CMTM4: variants seen among roughly 807,000 people sequenced by gnomAD.
CMTM4 encodes CKLF like MARVEL transmembrane domain containing 4.
In CMTM4, 8 loss-of-function variants were observed where a neutral mutation model predicts 19.0. The observed-to-expected ratio is 0.42, with a 90% CI of 0.25 to 0.76. The LOEUF is 0.76. Among genes scored for constraint, CMTM4 ranks in the 30% least tolerant of loss-of-function variants. The pLI is 0.27. For missense variants in CMTM4, 228 were observed against 290.2 expected (o/e 0.79, Z 1.56); for synonymous variants, 106 against 121.1 (o/e 0.88, Z 0.82).
At chr16:66,599,487 GT>G in the CMTM4 span, among the ~76,000 whole-genome samples, 2 of 137,952 alleles carry the variant, frequency 1.4e-5, no homozygotes, top group African/African-American at 5.3e-5. Flanking sequence ...TTTGCTTGTT[GT>G]TTGTTTGTTT....
rs552358890 is a variant in CMTM4 at position 66,622,251 on chromosome 16, C to G, written c.463-29G>C. ...AAAACACACCAGCACAGTTAGTCCT[C>G]GGGCACGTGGCCTGGCCCCTCAAGG... is the stretch of plus-strand genomic sequence containing the variant. On this transcript the variant is annotated intron_variant, in intron 3 of 3. Coordinates refer to ENST00000394106, the MANE Select transcript of CMTM4 (RefSeq NM_181521.3). The surrounding 1 kb of genome is among the most constrained non-coding windows in gnomAD (Gnocchi z 4.0). 9 of 1,608,854 alleles carry G rather than the reference C, an allele frequency of 5.6e-6. No homozygotes were observed. The highest frequency in any genetic ancestry group is 7.6e-6 in the Non-Finnish European group (9 of 1,177,652).
chr16:66,683,185 A>ACGTG (rs1210050561), intron 1 of CMTM4, among the ~76,000 whole-genome samples: 8 of 86,986 alleles, frequency 9.2e-5, no homozygotes, highest in South Asian at 5.9e-4. Flanking sequence ...ACATATGTAT[A>ACGTG]TATATATACA....
chr16:66,637,436 CA>C (rs747863471), intron 1 of CMTM4, among the ~76,000 whole-genome samples: 14 of 152,022 alleles, frequency 9.2e-5, no homozygotes, highest in Non-Finnish European at 1.6e-4. Flanking sequence ...CCCAGCTACT[CA>C]GGAGGCTGAG....
chr16:66,610,903 A>C (rs1393637613), downstream of CMTM4: 1 of 398,486 alleles, frequency 2.5e-6, no homozygotes, highest in East Asian at 3.6e-5. The surrounding 1 kb of genome is among the most constrained non-coding windows in gnomAD (Gnocchi z 4.6). Context: ...CCTTCTGCTG[A>C]AAATGAATGC....
chr16:66,620,829 A>G lies in CMTM4; in HGVS notation c.*1229T>C. On this transcript the variant is annotated 3_prime_UTR_variant, in exon 4 of 4. Transcript: ENST00000394106. Reference sequence around the variant, plus strand: ...TCCATAAAAGATATAATTACTCTCTAATTTTTTAAAAAAACTACTGCATCA... The same window carrying G: ...TCCATAAAAGATATAATTACTCTCTGATTTTTTAAAAAAACTACTGCATCA... 8.1e-6 allele frequency: 8 copies of G among 985,358 alleles called. No individual in the cohort carries two copies. Among genetic ancestry groups the G allele is most frequent in the Non-Finnish European group, 9.6e-6 (8 of 829,638 alleles). The allele number at this position is 985,358 out of a possible 1,614,324, so 61.0% of individuals were successfully genotyped here.
At chr16:66,678,121 A>G (rs1362412675) in intron 1 of CMTM4, among the ~76,000 whole-genome samples, 1 of 152,158 alleles carries the variant, frequency 6.6e-6, no homozygotes, top group Admixed American at 6.5e-5. Flanking sequence ...AGGTGCAGTG[A>G]GCCATGATCA....
chr16:66,678,837 T>C (rs1480811721), intron 1 of CMTM4, among the ~76,000 whole-genome samples: 1 of 152,188 alleles, frequency 6.6e-6, no homozygotes, highest in Admixed American at 6.6e-5. Flanking sequence ...CCAGGAGCAG[T>C]GGCTCACGAC....
chr16:66,641,549 C>T (rs1222881765), intron 1 of CMTM4, among the ~76,000 whole-genome samples: 1 of 152,118 alleles, frequency 6.6e-6, no homozygotes, highest in Admixed American at 6.6e-5. Flanking sequence ...GATATTAGCC[C>T]CATTTTACAG....
intron 1 of CMTM4, among the ~76,000 whole-genome samples, chr16:66,649,093 C>T (rs1365617141): frequency 6.6e-6 from 1 of 152,174 alleles, no homozygotes; most frequent in African/African-American, 2.4e-5. Flanking sequence ...GTCCTAGCTA[C>T]CCAGGAGGCC....
chr16:66,647,272 C>T (rs1232723676), intron 1 of CMTM4, among the ~76,000 whole-genome samples: 6 of 146,374 alleles, frequency 4.1e-5, no homozygotes, highest in Admixed American at 2.8e-4. Context: ...TACAGTGAGC[C>T]GAGATCATGC....
chr16:66,605,018 G>GC, the CMTM4 span: 1 of 1,341,124 alleles, frequency 7.5e-7, no homozygotes, highest in Non-Finnish European at 9.6e-7. The surrounding 1 kb of genome is among the most constrained non-coding windows in gnomAD (Gnocchi z 4.6). Flanking sequence ...GGAGGACGTC[G>GC]GGGCGCGGGT....
chr16:66,655,296 C>T (rs2016378860), intron 1 of CMTM4, among the ~76,000 whole-genome samples: 1 of 152,034 alleles, frequency 6.6e-6, no homozygotes, highest in South Asian at 2.1e-4. Context: ...TTAAAAATAG[C>T]TATTATCGGC....
chr16:66,619,336 T>TC lies in CMTM4; in HGVS notation c.*2721dup. The TC allele has an allele frequency of 1.0e-6, 1 of 985,436 alleles. No homozygotes were observed. Among genetic ancestry groups the TC allele is most frequent in the Non-Finnish European group, 1.2e-6 (1 of 829,932 alleles). The allele number at this position is 985,436 out of a possible 1,614,324, so 61.0% of individuals were successfully genotyped here. A position where few individuals can be genotyped will look rare whatever the true frequency, so the allele number is the denominator to read the frequency against. On this transcript the variant is annotated 3_prime_UTR_variant, in exon 4 of 4. Coordinates refer to ENST00000394106, the MANE Select transcript of CMTM4 (RefSeq NM_181521.3). ...AGGTTCCACCAAATGCTTGAGGGTTTCAGCTGTACAGTGTCCAGGAAAAAA... is the reference window on the plus strand; with the variant it reads ...AGGTTCCACCAAATGCTTGAGGGTTTCCAGCTGTACAGTGTCCAGGAAAAAA...
intron 1 of CMTM4, among the ~76,000 whole-genome samples, chr16:66,645,641 T>C (rs565949389): frequency 6.6e-6 from 1 of 151,954 alleles, no homozygotes; most frequent in African/African-American, 2.4e-5. Context: ...CTATGTACCC[T>C]ATGAATAAAT....
chr16:66,624,353 C>T (rs1014618159), intron 2 of CMTM4, among the ~76,000 whole-genome samples: 2 of 152,196 alleles, frequency 1.3e-5, no homozygotes, highest in African/African-American at 4.8e-5. Flanking sequence ...CCTCTAAAAC[C>T]TCTATAGGAA....
In CMTM4 at chr16:66,621,899, C is replaced by T. The variant is rs964783056; in HGVS notation, c.*159G>A. ...GGGCCTCCCAACTCCACCGCGGACC[C>T]GCCCACTGGGCCACTCGGGAAACCC... is the stretch of plus-strand genomic sequence containing the variant. On this transcript the variant is annotated 3_prime_UTR_variant, in exon 4 of 4. Transcript: ENST00000394106. 16 of 1,433,254 alleles carry T rather than the reference C, an allele frequency of 1.1e-5. No individual in the cohort carries two copies. Among genetic ancestry groups the T allele is most frequent in the African/African-American group, 1.4e-5 (1 of 69,752 alleles). The allele number at this position is 1,433,254 out of a possible 1,614,324, so 88.8% of individuals were successfully genotyped here. A position where few individuals can be genotyped will look rare whatever the true frequency, so the allele number is the denominator to read the frequency against.
chr16:66,636,635 G>A (rs1159559628), intron 1 of CMTM4, 54 bp from the exon 2 acceptor site: 12 of 1,412,188 alleles, frequency 8.5e-6, no homozygotes, highest in African/African-American at 1.4e-5. Flanking sequence ...ATACATCTGC[G>A]GACATACGTA....
At chr16:66,670,980 T>C (rs2016694302) in intron 1 of CMTM4, among the ~76,000 whole-genome samples, 1 of 152,270 alleles carries the variant, frequency 6.6e-6, no homozygotes, top group East Asian at 1.9e-4. Context: ...AACACCAGTA[T>C]TTTTACTTTT....
At chr16:66,609,765 G>C (rs1234190814), downstream of CMTM4, 1 of 1,600,830 alleles carries the variant, frequency 6.2e-7, no homozygotes, top group Non-Finnish European at 8.5e-7. The surrounding 1 kb of genome is among the most constrained non-coding windows in gnomAD (Gnocchi z 4.4). Flanking sequence ...ACAGGGGTCT[G>C]TGCCTGACAC....
Sources: allele counts gnomAD v4.1 joint callset (sites outside exome capture counted in the v4.1 genomes callset), GRCh38; gene constraint gnomAD v4.1.1; non-coding constraint Gnocchi (gnomAD v3.1); transcripts MANE v1.5; gene names NCBI Gene and HGNC (gene_info 2026-07-23, HGNC 2026-07-21).